ADORA2B: variants seen among roughly 807,000 people sequenced by gnomAD.
The protein encoded by ADORA2B is adenosine A2b receptor.
ADORA2B carries 18 observed loss-of-function variants against 20.8 expected under a neutral mutation model. The ratio of observed to expected loss-of-function variants is 0.87; its 90% CI spans 0.60 to 1.29. The LOEUF (loss-of-function observed/expected upper bound fraction) is 1.29, where lower values mean the gene tolerates loss of function less well. ADORA2B is among the 50% of genes most tolerant of loss of function. ADORA2B has a pLI of 0.00. For synonymous variants in ADORA2B, 179 were observed against 178.3 expected, an observed-to-expected ratio of 1.00 and a Z score of -0.03; for missense variants, 441 against 422.7, an observed-to-expected ratio of 1.04 and a Z score of -0.38.
chr17:15,973,558 G>A (rs755250451), intron 1 of ADORA2B, among the ~76,000 whole-genome samples: 1 of 152,236 alleles, frequency 6.6e-6, no homozygotes, highest in Non-Finnish European at 1.5e-5. Context: ...TACTGCCTGA[G>A]CTCTGCATCC....
the ADORA2B span, among the ~76,000 whole-genome samples, chr17:15,909,135 G>A: frequency 6.6e-6 from 1 of 151,972 alleles, no homozygotes; most frequent in Non-Finnish European, 1.5e-5. Context: ...GCACGGTCAA[G>A]TATGATCAAG....
the ADORA2B span, among the ~76,000 whole-genome samples, chr17:15,904,391 CTTT>C: frequency 3.2e-5 from 4 of 126,400 alleles, no homozygotes; most frequent in African/African-American, 9.6e-5. Flanking sequence ...TGTACTTCTG[CTTT>C]TTTTTTTTTT....
intron 1 of ADORA2B, among the ~76,000 whole-genome samples, chr17:15,952,318 G>A (rs1407156649): frequency 2.0e-5 from 3 of 152,254 alleles, no homozygotes; most frequent in Admixed American, 1.3e-4. Flanking sequence ...TTCCCAAGCC[G>A]TTTCTGGGTG....
At chr17:15,932,154 G>A in the ADORA2B span, among the ~76,000 whole-genome samples, 2 of 152,228 alleles carry the variant, frequency 1.3e-5, no homozygotes, top group South Asian at 2.1e-4. Flanking sequence ...ATGAAGTTCA[G>A]TGTATCTAAT....
chr17:15,917,470 T>A, the ADORA2B span, among the ~76,000 whole-genome samples: 57 of 152,140 alleles, frequency 3.7e-4, no homozygotes, highest in African/African-American at 1.3e-3. Context: ...CGGCCGCCCA[T>A]CCTGGGACCG....
At chr17:15,953,927 T>C (rs1449813318) in intron 1 of ADORA2B, among the ~76,000 whole-genome samples, 1 of 152,114 alleles carries the variant, frequency 6.6e-6, no homozygotes, top group East Asian at 1.9e-4. Context: ...GATGGTGTAT[T>C]GAACACATTT....
the ADORA2B span, among the ~76,000 whole-genome samples, chr17:15,873,195 T>C: frequency 9.2e-5 from 14 of 152,340 alleles, no homozygotes; most frequent in African/African-American, 2.9e-4. Flanking sequence ...GTTTATGCGA[T>C]GTCACATTTA....
At chr17:15,912,775 G>C in the ADORA2B span, among the ~76,000 whole-genome samples, 4 of 152,192 alleles carry the variant, frequency 2.6e-5, no homozygotes, top group African/African-American at 9.7e-5. Flanking sequence ...TAGCACTTGG[G>C]ACGATCTCTT....
rs1970246774 is a variant in ADORA2B at position 15,975,555 on chromosome 17, C to T, written c.*213C>T. 1.7e-6 allele frequency: 1 copy of T among 571,684 alleles called. No homozygotes were observed. The highest frequency in any genetic ancestry group is 1.9e-5 in the African/African-American group (1 of 53,556). The allele number at this position is 571,684 out of a possible 1,614,324, so 35.4% of individuals were successfully genotyped here. ...AATATATTTATGATCTATTCAGCTG[C>T]TTTTACTGTGTGGATTATGCCAACA... is the stretch of plus-strand genomic sequence containing the variant. On this transcript the variant is annotated 3_prime_UTR_variant, in exon 2 of 2. Transcript: ENST00000304222.
the ADORA2B span, among the ~76,000 whole-genome samples, chr17:15,885,200 G>A: frequency 1.6e-4 from 25 of 151,888 alleles, no homozygotes; most frequent in African/African-American, 3.9e-4. Flanking sequence ...ATGTTTCTCC[G>A]CCACGTGAAT....
At chr17:15,915,256 C>G in the ADORA2B span, among the ~76,000 whole-genome samples, 1 of 152,200 alleles carries the variant, frequency 6.6e-6, no homozygotes, top group East Asian at 1.9e-4. Flanking sequence ...CACATCTCCC[C>G]TGGTTCTCTG....
At chr17:15,904,666 G>A in the ADORA2B span, among the ~76,000 whole-genome samples, 2 of 152,106 alleles carry the variant, frequency 1.3e-5, no homozygotes, top group South Asian at 2.1e-4. Flanking sequence ...GTGAGCCACC[G>A]CGCCCGGCCT....
chr17:15,938,610 G>T, the ADORA2B span, among the ~76,000 whole-genome samples: 1 of 152,124 alleles, frequency 6.6e-6, no homozygotes, highest in African/African-American at 2.4e-5. Context: ...CTCATATTCA[G>T]TGTTTATATC....
At chr17:15,867,894 G>T in the ADORA2B span, among the ~76,000 whole-genome samples, 1 of 152,138 alleles carries the variant, frequency 6.6e-6, no homozygotes, top group Non-Finnish European at 1.5e-5. Context: ...ATTGAGAACG[G>T]GTCATGATGA....
At chr17:15,899,932 A>G in the ADORA2B span, among the ~76,000 whole-genome samples, 1 of 151,988 alleles carries the variant, frequency 6.6e-6, no homozygotes, top group East Asian at 1.9e-4. Context: ...CCCTGGTTCA[A>G]GTGATTCTTC....
chr17:15,914,507 T>TA, the ADORA2B span, among the ~76,000 whole-genome samples: 28 of 152,040 alleles, frequency 1.8e-4, no homozygotes, highest in Non-Finnish European at 2.8e-4. Context: ...GCCCAGCTGT[T>TA]AAAAAAAACA....
chr17:15,964,860 G>C (rs961442165), intron 1 of ADORA2B, among the ~76,000 whole-genome samples: 9 of 151,962 alleles, frequency 5.9e-5, no homozygotes, highest in African/African-American at 1.2e-4. Flanking sequence ...AGGAGATCGA[G>C]ACCATCCTGG....
chr17:15,964,999 G>T (rs1382371976), intron 1 of ADORA2B, among the ~76,000 whole-genome samples: 1 of 152,206 alleles, frequency 6.6e-6, no homozygotes, highest in Non-Finnish European at 1.5e-5. Context: ...GGCGGAGCTT[G>T]CAGTGAGCCG....
chr17:15,946,858 A>G lies in ADORA2B; in HGVS notation c.335+1275A>G, dbSNP rs558360044. ...GTGGCACCGTGTTTAGGAGTCAGGGAGAAAAGTGCTCTGCTGTTTTGGGAG... is the reference window on the plus strand; with the variant it reads ...GTGGCACCGTGTTTAGGAGTCAGGGGGAAAAGTGCTCTGCTGTTTTGGGAG... On this transcript the variant is annotated intron_variant, in intron 1 of 1. Transcript: ENST00000304222. Among the ~76,000 whole-genome samples the G allele has an allele frequency of 1.6e-3, 250 of 152,340 alleles. 2 individuals carry two copies. The highest frequency in any genetic ancestry group is 2.9e-3 in the Non-Finnish European group (198 of 68,034).
Sources: allele counts gnomAD v4.1 joint callset (sites outside exome capture counted in the v4.1 genomes callset), GRCh38; gene constraint gnomAD v4.1.1; transcripts MANE v1.5; gene names NCBI Gene and HGNC (gene_info 2026-07-23, HGNC 2026-07-21).